ANK2: variants seen among roughly 807,000 people sequenced by gnomAD.
ANK2 encodes the protein ankyrin-2.
ANK2 carries 83 observed loss-of-function variants against 360.5 expected under a neutral mutation model. The ratio of observed to expected loss-of-function variants is 0.23; its 90% CI spans 0.19 to 0.28. ANK2 has a LOEUF of 0.28. Ranked by LOEUF, ANK2 falls within the 10% of genes least tolerant of loss-of-function variation. ANK2 has a pLI of 1.00. For missense variants in ANK2, 4,201 were observed against 4,795.7 expected, an observed-to-expected ratio of 0.88 and a Z score of 3.66; for synonymous variants, 1,740 against 1,759.5, an observed-to-expected ratio of 0.99 and a Z score of 0.28.
rs1449598696 is a variant in ANK2, at chr4:112,950,926, C to CA, written c.21+46418dup. 3.1e-4 allele frequency among the ~76,000 whole-genome samples: 47 copies of CA among 150,414 alleles called. No individual in the cohort carries two copies. In the Middle Eastern group the frequency reaches 0.014, roughly 44 times the overall value. ...TGAAACCCCGTCTCTACTAAAAATA[C>CA]AAAAAATTAGCCGGGCGTAGTGGCG... is the stretch of plus-strand genomic sequence containing the variant. On this transcript the variant is annotated intron_variant, in intron 2 of 30. Transcript: ENST00000503271.
Position 113,355,130 on chromosome 4 carries a change from C to G in ANK2, c.6512C>G (p.Thr2171Ser), listed in dbSNP as rs2095664675. The change falls in exon 38 of 46, where the codon ACT becomes AGT. Residue 2171 changes from threonine (T) to serine (S), a missense_variant. Thr to Ser is a moderately conservative substitution (Grantham distance 58, BLOSUM62 1). Transcript: ENST00000357077. ...CAGCTTCACTTAGACCAAGTACTCA[C>G]TAGTCCTTTCAACACAACATTTCCA... ...KAQLHLDQVL[T>S]SPFNTTFPLD... The G allele has an allele frequency of 6.2e-7, 1 of 1,614,014 alleles. No individual in the cohort carries two copies. The highest frequency in any genetic ancestry group is 1.3e-5 in the African/African-American group (1 of 74,938).
chr4:112,916,180 TC>T (rs2089769867), intron 2 of ANK2, among the ~76,000 whole-genome samples: 1 of 152,184 alleles, frequency 6.6e-6, no homozygotes, highest in Non-Finnish European at 1.5e-5. Flanking sequence ...AATAAACCAG[TC>T]ACATGAATCT....
intron 1 of ANK2, among the ~76,000 whole-genome samples, chr4:113,081,067 T>C (rs1179915381): frequency 6.6e-6 from 1 of 152,220 alleles, no homozygotes; most frequent in Admixed American, 6.5e-5. Flanking sequence ...ACAAAATATG[T>C]ATTATTCTTA....
intron 1 of ANK2, among the ~76,000 whole-genome samples, chr4:113,157,483 C>G (rs2097345735): frequency 6.6e-6 from 1 of 152,180 alleles, no homozygotes; most frequent in African/African-American, 2.4e-5. Context: ...ATAATATTGA[C>G]ACACTCTTGA....
chr4:113,212,689 A>G (rs192730906), intron 4 of ANK2, among the ~76,000 whole-genome samples: 38 of 152,274 alleles, frequency 2.5e-4, no homozygotes, highest in African/African-American at 8.7e-4. Context: ...CTCATCTGTG[A>G]TAGGGGGATC....
the ANK2 span, among the ~76,000 whole-genome samples, chr4:112,802,273 A>G: frequency 0.01 from 1,555 of 152,272 alleles, 9 homozygotes; most frequent in Middle Eastern, 0.079. Context: ...CTTCTTGCCA[A>G]TCCTCCTTTA....
At chr4:112,911,582 T>C (rs2087435407) in intron 2 of ANK2, among the ~76,000 whole-genome samples, 1 of 152,146 alleles carries the variant, frequency 6.6e-6, no homozygotes, top group African/African-American at 2.4e-5. Flanking sequence ...TTCAGCCTGT[T>C]GAATAGCTGG....
intron 13 of ANK2, among the ~76,000 whole-genome samples, chr4:113,260,030 A>G (rs2051871374): frequency 6.6e-6 from 1 of 152,164 alleles, no homozygotes; most frequent in Admixed American, 6.6e-5. Flanking sequence ...CACTGTTACA[A>G]TATGTTATCA....
intron 1 of ANK2, among the ~76,000 whole-genome samples, chr4:112,854,061 T>C (rs1194929455): frequency 1.3e-5 from 2 of 152,236 alleles, no homozygotes; most frequent in East Asian, 3.9e-4. Context: ...AGGACAATAG[T>C]GCGTTACAGG....
chr4:112,924,607 T>C (rs1249340696), intron 2 of ANK2, among the ~76,000 whole-genome samples: 4 of 151,856 alleles, frequency 2.6e-5, no homozygotes, highest in Non-Finnish European at 5.9e-5. Flanking sequence ...TATGTAGCCA[T>C]TTAAAAGTAG....
chr4:112,767,216 A>T, the ANK2 span, among the ~76,000 whole-genome samples: 18 of 152,156 alleles, frequency 1.2e-4, no homozygotes, highest in Non-Finnish European at 2.2e-4. Flanking sequence ...GCAATTCAAG[A>T]TAGTATGTAT....
At chr4:113,343,378 T>G (rs2153984518) in intron 34 of ANK2, among the ~76,000 whole-genome samples, 1 of 152,298 alleles carries the variant, frequency 6.6e-6, no homozygotes, top group South Asian at 2.1e-4. Context: ...AATAGCCAAC[T>G]CATTAATTAG....
chr4:112,728,004 C>T, the ANK2 span, among the ~76,000 whole-genome samples: 7 of 146,210 alleles, frequency 4.8e-5, no homozygotes, highest in East Asian at 1.4e-3. Flanking sequence ...AAAAAAAATA[C>T]AAAGAATTGG....
intron 1 of ANK2, chr4:113,070,283 A>AT (rs1238524080): frequency 6.6e-6 from 1 of 150,996 alleles, no homozygotes; most frequent in Non-Finnish European, 1.5e-5. Flanking sequence ...TTATTTTTTT[A>AT]TTTTTTGTAC....
Position 113,355,085 on chromosome 4 carries a change from G to T in ANK2, c.6467G>T (p.Ser2156Ile). Residue 2156 changes from serine to isoleucine, a missense_variant, in exon 38 of 46, where the codon AGT becomes ATT. By Grantham distance (142) the Ser-to-Ile change is moderately radical (BLOSUM62 -2). Transcript: ENST00000357077. Reference sequence around the variant, plus strand: ...GACAAATACCAACAATTCCGCCTGAGTGAGGAGACAGAAAAGGCACAGCTT... The same window carrying T: ...GACAAATACCAACAATTCCGCCTGATTGAGGAGACAGAAAAGGCACAGCTT... Reference protein sequence around the residue: ...DNDKYQQFRLSEETEKAQLHL... With the variant: ...DNDKYQQFRLIEETEKAQLHL... 1 of 1,614,108 alleles carries T rather than the reference G, an allele frequency of 6.2e-7. No individual in the cohort carries two copies. Among genetic ancestry groups the T allele is most frequent in the Non-Finnish European group, 8.5e-7 (1 of 1,179,998 alleles).
chr4:113,002,881 A>G (rs1416580115), intron 2 of ANK2, among the ~76,000 whole-genome samples: 4 of 152,042 alleles, frequency 2.6e-5, no homozygotes, highest in African/African-American at 9.7e-5. Context: ...TCACCAAATC[A>G]CCTCTTTCTC....
At chr4:113,003,626 C>T (rs914105392) in intron 2 of ANK2, among the ~76,000 whole-genome samples, 18 of 152,176 alleles carry the variant, frequency 1.2e-4, no homozygotes, top group Non-Finnish European at 1.9e-4. Flanking sequence ...CATCCCAAGT[C>T]TGTAGAGACC....
chr4:113,382,651 T>C lies in ANK2; in HGVS notation c.*1180T>C, dbSNP rs2097190627. The stretch of plus-strand genomic sequence containing the variant: ...CTTTTTTTTTTTCTTTCTTTCTTTT[T>C]TTTCTTCAGGTTTATATCTTCTCTA... On this transcript the variant is annotated 3_prime_UTR_variant, in exon 46 of 46. Transcript: ENST00000357077. 6.6e-6 allele frequency: 1 copy of C among 152,474 alleles called. No individual in the cohort carries two copies. The highest frequency in any genetic ancestry group is 2.4e-5 in the African/African-American group (1 of 41,430). The allele number at this position is 152,474 out of a possible 1,614,324, so 9.4% of individuals were successfully genotyped here.
chr4:112,790,484 C>CTTTTTTTT, the ANK2 span, among the ~76,000 whole-genome samples: 1 of 113,796 alleles, frequency 8.8e-6, no homozygotes, highest in Non-Finnish European at 1.8e-5. Context: ...CTTTTCTTTT[C>CTTTTTTTT]TTTTTTTTTT....
Sources: gnomAD v4.1 joint callset for allele counts (sites outside exome capture counted in the v4.1 genomes callset) on GRCh38, gnomAD v4.1.1 for gene constraint, MANE v1.5 for transcripts, NCBI Gene and HGNC (gene_info 2026-07-23, HGNC 2026-07-21) for gene names.